The following MTAP variants were observed in gnomAD, a reference collection of about 807,000 sequenced individuals.
MTAP encodes S-methyl-5'-thioadenosine phosphorylase.
In MTAP, 33 loss-of-function variants were observed where a neutral mutation model predicts 33.6. The ratio of observed to expected loss-of-function variants is 0.98; its 90% CI spans 0.74 to 1.31. The LOEUF (loss-of-function observed/expected upper bound fraction) is 1.31. Ranked by LOEUF, MTAP falls within the 40% of genes most tolerant of loss-of-function variation. The pLI, the probability that MTAP is intolerant of heterozygous loss-of-function variation, is 0.00. For missense variants in MTAP, 367 were observed against 360.0 expected, an observed-to-expected ratio of 1.02 and a Z score of -0.16; for synonymous variants, 148 against 125.7, an observed-to-expected ratio of 1.18 and a Z score of -1.19.
At chr9:21,927,243 A>G (rs992476675) in intron 1 of MTAP, among the ~76,000 whole-genome samples, 17 of 152,226 alleles carry the variant, frequency 1.1e-4, no homozygotes, top group African/African-American at 4.1e-4. Flanking sequence ...TAAAGAACCT[A>G]GACCCAGTAG....
At chr9:21,889,636 G>T (rs1295557195) in intron 1 of MTAP, among the ~76,000 whole-genome samples, 1 of 152,080 alleles carries the variant, frequency 6.6e-6, no homozygotes, top group Non-Finnish European at 1.5e-5. Flanking sequence ...CTTCCTGAGA[G>T]CCAGACTACA....
At chr9:21,897,174 TCAG>T (rs1467803352) in intron 1 of MTAP, among the ~76,000 whole-genome samples, 7 of 152,172 alleles carry the variant, frequency 4.6e-5, no homozygotes, top group Non-Finnish European at 8.8e-5. Flanking sequence ...TTGACAAAAT[TCAG>T]CAGCCCTTCA....
chr9:21,910,970 G>A (rs894615191), intron 1 of MTAP, among the ~76,000 whole-genome samples: 17 of 152,086 alleles, frequency 1.1e-4, no homozygotes, highest in Non-Finnish European at 1.8e-4. Flanking sequence ...AAAAAGGCAG[G>A]GGTTGCAATC....
intron 7 of MTAP, chr9:21,861,061 C>G (rs1276599707): frequency 6.6e-6 from 1 of 152,158 alleles, no homozygotes; most frequent in Non-Finnish European, 1.5e-5. Context: ...TGCGCCCAGC[C>G]AAGTTTATTT....
In MTAP at chr9:21,854,707, G is replaced by A. The variant is rs940267663; in HGVS notation, c.527G>A (p.Arg176His). The A allele has an allele frequency of 1.4e-5, 23 of 1,614,122 alleles. 1 individual carries two copies. Among genetic ancestry groups the A allele is most frequent in the Middle Eastern group, 3.3e-4 (2 of 6,060 alleles). The change falls in exon 6 of 8, where the codon CGT becomes CAT. Residue 176 changes from arginine (R) to histidine (H), a missense_variant. By Grantham distance (29) the Arg-to-His change is conservative. Coordinates refer to ENST00000644715, the MANE Select transcript of MTAP (RefSeq NM_002451.4). ...ACAATGGTCACAATCGAGGGACCTC[G>A]TTTTAGCTCCCGGGCAGAAAGCTTC... ...KGTMVTIEGPRFSSRAESFMF... is the reference protein window; with the variant it reads ...KGTMVTIEGPHFSSRAESFMF...
intron 1 of MTAP, among the ~76,000 whole-genome samples, chr9:21,891,618 G>A (rs1163472204): frequency 6.6e-6 from 1 of 152,136 alleles, no homozygotes; most frequent in Non-Finnish European, 1.5e-5. Flanking sequence ...AAGAAATGTG[G>A]GGTTATATAA....
chr9:21,905,835 A>T (rs1291228850), intron 1 of MTAP, among the ~76,000 whole-genome samples: 3 of 152,228 alleles, frequency 2.0e-5, no homozygotes, highest in Non-Finnish European at 4.4e-5. Flanking sequence ...AGAGCTATAC[A>T]ATGATGGCAA....
chr9:21,827,957 A>T (rs1176402873), intron 4 of MTAP, among the ~76,000 whole-genome samples: 4 of 152,260 alleles, frequency 2.6e-5, no homozygotes, highest in Non-Finnish European at 5.9e-5. Flanking sequence ...TGAATTGGGC[A>T]CTGAGCCTTG....
At chr9:21,839,954 C>T (rs1050730851) in intron 5 of MTAP, among the ~76,000 whole-genome samples, 4 of 152,200 alleles carry the variant, frequency 2.6e-5, no homozygotes, top group South Asian at 2.1e-4. Flanking sequence ...CTGGCCACCA[C>T]GGTGGCTCAC....
chr9:21,872,876 C>T (rs995463317), intron 1 of MTAP, among the ~76,000 whole-genome samples: 2 of 152,128 alleles, frequency 1.3e-5, no homozygotes, highest in Non-Finnish European at 2.9e-5. Flanking sequence ...TGAGCACTCC[C>T]TCGGGAGGGA....
At chr9:21,812,231 C>G (rs1013169149) in intron 1 of MTAP, 11 of 222,838 alleles carry the variant, frequency 4.9e-5, no homozygotes. Flanking sequence ...CAGGGAAATG[C>G]AGACAGATGG....
intron 1 of MTAP, chr9:21,929,414 T>C: frequency 6.2e-6 from 1 of 161,106 alleles, no homozygotes. Flanking sequence ...GCAGCTTGCT[T>C]TGTGATCAAT....
chr9:21,830,132 C>G (rs960367352), intron 4 of MTAP, among the ~76,000 whole-genome samples: 1 of 152,276 alleles, frequency 6.6e-6, no homozygotes, highest in African/African-American at 2.4e-5. Context: ...AAATAATCAT[C>G]TTTCATTTGT....
chr9:21,841,799 C>G (rs975640671), intron 5 of MTAP, among the ~76,000 whole-genome samples: 5 of 150,392 alleles, frequency 3.3e-5, no homozygotes, highest in Non-Finnish European at 1.5e-5. Flanking sequence ...GTTTCAACCT[C>G]TCCACTAAAA....
At chr9:21,813,118 G>C (rs1277661543) in intron 1 of MTAP, among the ~76,000 whole-genome samples, 1 of 152,218 alleles carries the variant, frequency 6.6e-6, no homozygotes, top group East Asian at 1.9e-4. Flanking sequence ...TGGGCCATCA[G>C]TGCTTGGGTA....
intron 4 of MTAP, among the ~76,000 whole-genome samples, chr9:21,833,148 G>A (rs1170154263): frequency 6.6e-6 from 1 of 152,126 alleles, no homozygotes; most frequent in East Asian, 1.9e-4. Flanking sequence ...TACCAGAACA[G>A]TGGGAGGATC....
rs189976071 is a variant in MTAP, at chr9:21,835,148, C to T, written c.348-2760C>T. On this transcript the variant is annotated intron_variant, in intron 4 of 7. Transcript: ENST00000644715. ...CCTTACATGGTGGTAGAAGGGCGAC[C>T]TAGCTCTCTGGGATCTCTTTTATAA... is the stretch of plus-strand genomic sequence containing the variant. 2.0e-5 allele frequency among the ~76,000 whole-genome samples: 3 copies of T among 152,248 alleles called. No individual in the cohort carries two copies. The East Asian group carries it at 5.8e-4, about 29-fold the overall frequency.
rs535495798 is a variant in MTAP at position 21,887,177 on chromosome 9, T to C, written c.147+32307T>C. Among the ~76,000 whole-genome samples the C allele has an allele frequency of 3.3e-5, 5 of 152,292 alleles. 1 individual carries two copies. The South Asian group carries it at 1.0e-3, about 32-fold the overall frequency. On this transcript the variant is annotated intron_variant, in intron 1 of 1. Transcript: ENST00000577563. ...GCACAACGTGCCCGTTTGTTACATA[T>C]GTATACATGTGCCATGTTGGTGTGC...
downstream of MTAP, among the ~76,000 whole-genome samples, chr9:21,938,365 G>A (rs879773508): frequency 6.6e-6 from 1 of 151,830 alleles, no homozygotes; most frequent in Non-Finnish European, 1.5e-5. Flanking sequence ...CTGAACCTAA[G>A]GAGGTTCAGG....
Sources: allele counts gnomAD v4.1 joint callset (sites outside exome capture counted in the v4.1 genomes callset), GRCh38; gene constraint gnomAD v4.1.1; transcripts MANE v1.5; gene names NCBI Gene and HGNC (gene_info 2026-07-23, HGNC 2026-07-21).